The following NCKAP5 variants were observed in gnomAD, a reference collection of about 807,000 sequenced individuals.
NCKAP5 encodes NCK associated protein 5.
NCKAP5 carries 92 observed loss-of-function variants against 167.0 expected under a neutral mutation model. The ratio of observed to expected loss-of-function variants is 0.55; its 90% CI spans 0.47 to 0.66. The LOEUF is 0.66. NCKAP5 is among the 30% of genes least tolerant of loss of function. The pLI is 0.00. For missense variants in NCKAP5, 2,378 were observed against 2,315.0 expected (o/e 1.03, Z -0.56); for synonymous variants, 891 against 877.4 (o/e 1.02, Z -0.27).
intron 4 of NCKAP5, among the ~76,000 whole-genome samples, chr2:133,298,424 T>C (rs1419877214): frequency 2.0e-5 from 3 of 152,166 alleles, no homozygotes; most frequent in Admixed American, 6.5e-5. Flanking sequence ...TGAAGGAAAA[T>C]AGAAGTAACT....
Position 132,785,559 on chromosome 2 carries a change from G to C in NCKAP5, c.1252C>G (p.Pro418Ala), listed in dbSNP as rs1683496810. 6.2e-7 allele frequency: 1 copy of C among 1,600,686 alleles called. No individual in the cohort carries two copies. The highest frequency in any genetic ancestry group is 1.3e-5 in the African/African-American group (1 of 74,456). Residue 418 changes from proline (P) to alanine (A), a missense_variant, in exon 14 of 20, where the codon CCA (proline) becomes GCA (alanine). By Grantham distance (27) the Pro-to-Ala change is conservative. This residue lies in a region of NCKAP5 where 1,049 missense variants were observed against 1,023.4 expected (regional missense o/e 1.02). Coordinates refer to ENST00000409261, the MANE Select transcript of NCKAP5 (RefSeq NM_207363.3). Reference protein sequence around the residue: ...LQKRKVLLEPPSVITKWGYKD... With the variant: ...LQKRKVLLEPASVITKWGYKD... ...TAACCCCATTTGGTTATCACTGATG[G>C]GGGTTCAAGTAACACTTTTCGCTTC...
the NCKAP5 span, among the ~76,000 whole-genome samples, chr2:133,670,988 G>A: frequency 2.0e-5 from 3 of 151,962 alleles, no homozygotes; most frequent in East Asian, 5.8e-4. Flanking sequence ...GGCTGAGGAG[G>A]GTGGATCACG....
chr2:132,935,640 G>T (rs980417525), intron 8 of NCKAP5, among the ~76,000 whole-genome samples: 1 of 152,076 alleles, frequency 6.6e-6, no homozygotes, highest in Non-Finnish European at 1.5e-5. Flanking sequence ...GGGTGGTGGG[G>T]GACTTTACTG....
chr2:132,704,755 CT>C (rs1356932785), intron 19 of NCKAP5, among the ~76,000 whole-genome samples: 1 of 152,166 alleles, frequency 6.6e-6, no homozygotes, highest in Non-Finnish European at 1.5e-5. Flanking sequence ...TCCACTGCCC[CT>C]CTCTCTGTGT....
At chr2:132,956,137 A>G (rs1192473094) in intron 8 of NCKAP5, among the ~76,000 whole-genome samples, 1 of 152,216 alleles carries the variant, frequency 6.6e-6, no homozygotes, top group Non-Finnish European at 1.5e-5. Flanking sequence ...TGGATATGTT[A>G]ACTAGCTTGA....
chr2:133,099,682 G>C (rs534510744), intron 6 of NCKAP5, among the ~76,000 whole-genome samples: 1 of 152,134 alleles, frequency 6.6e-6, no homozygotes, highest in Non-Finnish European at 1.5e-5. Context: ...ACCCTTTTCA[G>C]GCTTCCAGAA....
At chr2:133,440,435 G>A (rs919772216) in intron 3 of NCKAP5, among the ~76,000 whole-genome samples, 2 of 152,084 alleles carry the variant, frequency 1.3e-5, no homozygotes, top group African/African-American at 4.8e-5. Flanking sequence ...AGAAGGCCAG[G>A]CCCAGTGGCT....
At position 133,192,496 on chromosome 2, in the gene NCKAP5, C is replaced by T. The variant is rs902972626; in HGVS notation, c.207+21220G>A. On this transcript the variant is annotated intron_variant, in intron 5 of 19. Transcript: ENST00000409261. ...TACACTGGGAGAAAACATTTACATA[C>T]CACATATACTACCAAGGACTAGTTT... Among the ~76,000 whole-genome samples, 6 of 151,890 alleles carry T rather than the reference C, an allele frequency of 4.0e-5. No homozygotes were observed. The South Asian group carries it at 1.0e-3, about 26-fold the overall frequency.
At chr2:132,955,592 A>C (rs2076317023) in intron 8 of NCKAP5, among the ~76,000 whole-genome samples, 1 of 152,100 alleles carries the variant, frequency 6.6e-6, no homozygotes, top group Non-Finnish European at 1.5e-5. Context: ...AGTCTTTACT[A>C]TTGTAAATAG....
the NCKAP5 span, among the ~76,000 whole-genome samples, chr2:133,615,411 T>C: frequency 2.0e-5 from 3 of 151,878 alleles, no homozygotes; most frequent in African/African-American, 4.8e-5. Context: ...ACTCATCTCA[T>C]GTGCAGAGAC....
intron 16 of NCKAP5, among the ~76,000 whole-genome samples, chr2:132,741,346 T>G (rs1225229402): frequency 2.6e-5 from 4 of 152,118 alleles, no homozygotes; most frequent in African/African-American, 9.7e-5. Context: ...CGTCTTGCTA[T>G]GCTAATATGC....
At chr2:133,550,984 C>T (rs1490901621) in intron 2 of NCKAP5, among the ~76,000 whole-genome samples, 3 of 152,112 alleles carry the variant, frequency 2.0e-5, no homozygotes, top group African/African-American at 7.3e-5. Flanking sequence ...TGAGTGAATT[C>T]CCATTCACAA....
intron 3 of NCKAP5, among the ~76,000 whole-genome samples, chr2:133,466,490 C>T (rs1192132007): frequency 4.7e-5 from 7 of 147,630 alleles, no homozygotes; most frequent in African/African-American, 1.2e-4. Flanking sequence ...CTTGGCGATG[C>T]GGGCTCTTTT....
chr2:132,878,870 T>C lies in NCKAP5; in HGVS notation c.626A>G (p.Gln209Arg), dbSNP rs1691527754. 6.2e-7 allele frequency: 1 copy of C among 1,613,670 alleles called. No individual in the cohort carries two copies. The highest frequency in any genetic ancestry group is 1.3e-5 in the African/African-American group (1 of 74,928). Residue 209 changes from glutamine (Q) to arginine (R), a missense_variant, in exon 9 of 20, where the codon CAA becomes CGA. Physicochemically the swap from Gln to Arg is conservative, Grantham distance 43 (BLOSUM62 1). This residue lies in a region of NCKAP5 where 1,049 missense variants were observed against 1,023.4 expected (regional missense o/e 1.02). Transcript: ENST00000409261. ...TACCTCATCAAGACATCGCTCATAT[T>C]GTTCCCTTTGATTTTCATTCTCCAA... Reference protein sequence around the residue: ...LALENENQREQYERCLDEVAN... With the variant: ...LALENENQRERYERCLDEVAN...
At chr2:132,949,418 C>A (rs573510576) in intron 8 of NCKAP5, among the ~76,000 whole-genome samples, 1 of 152,126 alleles carries the variant, frequency 6.6e-6, no homozygotes, top group Non-Finnish European at 1.5e-5. Flanking sequence ...CCCCTGTGCC[C>A]CAGAGCCTGC....
intron 3 of NCKAP5, among the ~76,000 whole-genome samples, chr2:133,309,364 T>G (rs1681067705): frequency 6.6e-6 from 1 of 152,176 alleles, no homozygotes; most frequent in African/African-American, 2.4e-5. Flanking sequence ...AACCATTTCC[T>G]TTATATTATT....
chr2:132,904,385 G>C (rs143466390), intron 8 of NCKAP5, among the ~76,000 whole-genome samples: 11 of 149,458 alleles, frequency 7.4e-5, no homozygotes, highest in African/African-American at 2.7e-4. Flanking sequence ...AAATATATTC[G>C]ATAACATAAT....
At chr2:133,540,532 G>T (rs2104881668) in intron 2 of NCKAP5, among the ~76,000 whole-genome samples, 1 of 152,156 alleles carries the variant, frequency 6.6e-6, no homozygotes, top group Non-Finnish European at 1.5e-5. Flanking sequence ...AATAATGAAG[G>T]ATATACTTTA....
At chr2:133,408,134 A>AT (rs1357317180) in intron 3 of NCKAP5, among the ~76,000 whole-genome samples, 1 of 151,958 alleles carries the variant, frequency 6.6e-6, no homozygotes, top group African/African-American at 2.4e-5. Flanking sequence ...CTTCTAATGT[A>AT]TTTTTCTTTC....
Sources: gnomAD v4.1 joint callset for allele counts (sites outside exome capture counted in the v4.1 genomes callset) on GRCh38, gnomAD v4.1.1 for gene constraint, gnomAD v4.1.1 regional missense constraint, MANE v1.5 for transcripts, NCBI Gene and HGNC (gene_info 2026-07-23, HGNC 2026-07-21) for gene names.